GRIN2B: variants seen among roughly 807,000 people sequenced by gnomAD.
GRIN2B encodes the protein glutamate receptor ionotropic, NMDA 2B.
GRIN2B carries 5 observed loss-of-function variants against 114.5 expected under a neutral mutation model. The ratio of observed to expected loss-of-function variants is 0.04; its 90% CI spans 0.02 to 0.09. The LOEUF (loss-of-function observed/expected upper bound fraction) is 0.09. Among genes scored for constraint, GRIN2B ranks in the 10% least tolerant of loss-of-function variants. The pLI is 1.00. For synonymous variants in GRIN2B, 787 were observed against 745.1 expected (o/e 1.06, Z -0.92); for missense variants, 1,108 against 1,943.5 (o/e 0.57, Z 8.08).
intron 13 of GRIN2B, among the ~76,000 whole-genome samples, chr12:13,565,891 C>T (rs1419133669): frequency 6.6e-6 from 1 of 152,144 alleles, no homozygotes; most frequent in Non-Finnish European, 1.5e-5. Context: ...TCTAACCCTT[C>T]CTGATTAAGC....
chr12:13,611,859 G>C lies in GRIN2B; in HGVS notation c.1655-9C>G. On this transcript the variant is annotated splice_polypyrimidine_tract_variant and intron_variant, in intron 8 of 13. Coordinates refer to ENST00000609686, the MANE Select transcript of GRIN2B (RefSeq NM_000834.5). ...GTCAGCGCTGAATGGCTCTGAGGAA[G>C]GGAAAAAAGCAGTGCTCAGGGTTAG... The C allele has an allele frequency of 1.9e-6, 3 of 1,613,082 alleles. No homozygotes were observed. Among genetic ancestry groups the C allele is most frequent in the Non-Finnish European group, 2.5e-6 (3 of 1,179,058 alleles).
intron 2 of GRIN2B, among the ~76,000 whole-genome samples, chr12:13,884,560 G>A (rs1396703100): frequency 1.3e-5 from 2 of 152,026 alleles, no homozygotes; most frequent in Non-Finnish European, 2.9e-5. Context: ...TTGCCTGGGA[G>A]TAATGATAAT....
At chr12:13,703,642 AATT>A (rs1291396554) in intron 4 of GRIN2B, among the ~76,000 whole-genome samples, 13 of 152,152 alleles carry the variant, frequency 8.5e-5, no homozygotes, top group African/African-American at 3.1e-4. Flanking sequence ...TCTTTCATTG[AATT>A]ATTAACCAAA....
intron 10 of GRIN2B, 63 bp from the exon 11 acceptor site, chr12:13,572,027 C>A: frequency 7.5e-7 from 1 of 1,330,970 alleles, no homozygotes; most frequent in South Asian, 1.2e-5. Flanking sequence ...AGAGAAAAGT[C>A]ATTTTAGAAA....
intron 3 of GRIN2B, among the ~76,000 whole-genome samples, chr12:13,785,290 A>G (rs556255902): frequency 2.9e-4 from 44 of 152,330 alleles, no homozygotes; most frequent in African/African-American, 1.0e-3. Context: ...CATAATATGT[A>G]AGGGTTATCT....
At chr12:13,694,946 C>A (rs926017617) in intron 4 of GRIN2B, among the ~76,000 whole-genome samples, 24 of 151,926 alleles carry the variant, frequency 1.6e-4, no homozygotes, top group African/African-American at 5.8e-4. Flanking sequence ...ATTCTTCCCT[C>A]TTCATAAGAC....
intron 5 of GRIN2B, among the ~76,000 whole-genome samples, chr12:13,623,332 G>T (rs539568428): frequency 6.6e-6 from 1 of 152,124 alleles, no homozygotes; most frequent in Non-Finnish European, 1.5e-5. Context: ...ATGAAAAGGC[G>T]GAACAAAAGG....
At chr12:13,961,496 A>C (rs553474078) in intron 2 of GRIN2B, among the ~76,000 whole-genome samples, 1 of 152,360 alleles carries the variant, frequency 6.6e-6, no homozygotes, top group South Asian at 2.1e-4. Context: ...TAAATCCAAC[A>C]TATTAAAAAA....
intron 2 of GRIN2B, among the ~76,000 whole-genome samples, chr12:13,916,503 T>C (rs892208547): frequency 6.6e-6 from 1 of 151,968 alleles, no homozygotes; most frequent in African/African-American, 2.4e-5. Context: ...AAAATCTTGG[T>C]CCAAGTAAGA....
chr12:13,740,935 T>C (rs1429066281), intron 4 of GRIN2B, among the ~76,000 whole-genome samples: 1 of 152,212 alleles, frequency 6.6e-6, no homozygotes. Flanking sequence ...GGGAAGTCTT[T>C]ACCATGTGTG....
intron 2 of GRIN2B, among the ~76,000 whole-genome samples, chr12:13,910,289 A>G (rs1866608435): frequency 6.6e-6 from 1 of 152,180 alleles, no homozygotes; most frequent in Non-Finnish European, 1.5e-5. Context: ...ACACACATAA[A>G]CACCCCCAAA....
intron 2 of GRIN2B, among the ~76,000 whole-genome samples, chr12:13,928,279 G>T (rs10845864): frequency 0.057 from 8,619 of 150,620 alleles, 917 homozygotes; most frequent in East Asian, 0.41. Context: ...CTCCAGCCTG[G>T]GTGACAGAGC....
Position 13,545,389 on chromosome 12 carries a change from C to T in GRIN2B, c.*17394G>A, listed in dbSNP as rs1948330307. ...CATACAAACTTCAAGAGGGTATGGA[C>T]TTTGTGTGGTTCGTTCTTATATTCC... On this transcript the variant is annotated 3_prime_UTR_variant, in exon 14 of 14. Coordinates refer to ENST00000609686, the MANE Select transcript of GRIN2B (RefSeq NM_000834.5). The T allele has an allele frequency of 6.6e-6, 1 of 152,146 alleles. No homozygotes were observed. The highest frequency in any genetic ancestry group is 2.1e-4 in the South Asian group (1 of 4,822). The allele number at this position is 152,146 out of a possible 1,614,324, so 9.4% of individuals were successfully genotyped here.
intron 8 of GRIN2B, among the ~76,000 whole-genome samples, chr12:13,614,016 C>CACA (rs372463104): frequency 4.3e-5 from 4 of 92,908 alleles, no homozygotes; most frequent in African/African-American, 1.5e-4. Context: ...CCTTGCACAG[C>CACA]AAAAAAAAAA....
intron 10 of GRIN2B, among the ~76,000 whole-genome samples, chr12:13,593,035 CCTT>C (rs1025454027): frequency 1.1e-4 from 17 of 152,170 alleles, no homozygotes; most frequent in Non-Finnish European, 2.2e-4. Flanking sequence ...AGTCATTCCT[CCTT>C]CTTTACTGAA....
At chr12:13,868,618 G>T (rs895562864) in intron 2 of GRIN2B, among the ~76,000 whole-genome samples, 4 of 152,170 alleles carry the variant, frequency 2.6e-5, no homozygotes, top group African/African-American at 4.8e-5. Context: ...GTTTAAAAGT[G>T]GCCCACTCTG....
At chr12:13,785,369 G>T (rs1864206003) in intron 3 of GRIN2B, among the ~76,000 whole-genome samples, 1 of 152,122 alleles carries the variant, frequency 6.6e-6, no homozygotes, top group African/African-American at 2.4e-5. Flanking sequence ...ATCACGTACA[G>T]AATGAAGTGT....
rs1350963198 is a variant in GRIN2B at position 13,560,857 on chromosome 12, G to C, written c.*1926C>G. On this transcript the variant is annotated 3_prime_UTR_variant, in exon 14 of 14. Transcript: ENST00000609686. ...CGGGATGAGGAAGGGTCACGAGTGAGGGCAAACAGGGGCGAAGAGCAGCCC... is the reference window on the plus strand; with the variant it reads ...CGGGATGAGGAAGGGTCACGAGTGACGGCAAACAGGGGCGAAGAGCAGCCC... The C allele has an allele frequency of 6.6e-6, 1 of 152,314 alleles. No homozygotes were observed. The highest frequency in any genetic ancestry group is 1.9e-4 in the East Asian group (1 of 5,174). The allele number at this position is 152,314 out of a possible 1,614,324, so 9.4% of individuals were successfully genotyped here. A position where few individuals can be genotyped will look rare whatever the true frequency, so the allele number is the denominator to read the frequency against.
intron 2 of GRIN2B, among the ~76,000 whole-genome samples, chr12:13,903,580 C>T (rs1866492025): frequency 6.6e-6 from 1 of 152,068 alleles, no homozygotes; most frequent in East Asian, 1.9e-4. Context: ...CAAGGTCTTC[C>T]TGGCCTTAAT....
Sources: allele counts gnomAD v4.1 joint callset (sites outside exome capture counted in the v4.1 genomes callset), GRCh38; gene constraint gnomAD v4.1.1; transcripts MANE v1.5; gene names NCBI Gene and HGNC (gene_info 2026-07-23, HGNC 2026-07-21).